NRXN1: variants seen among roughly 807,000 people sequenced by gnomAD.
NRXN1 encodes the protein neurexin 1, also known as neurexin-1.
In NRXN1, 39 loss-of-function variants were observed where a neutral mutation model predicts 150.9. That is an observed-to-expected ratio of 0.26 (90% CI 0.20 to 0.34). The LOEUF (loss-of-function observed/expected upper bound fraction) is 0.34. Ranked by LOEUF, NRXN1 falls within the 10% of genes least tolerant of loss-of-function variation. The pLI is 1.00. For missense variants in NRXN1, 1,815 were observed against 1,949.9 expected, an observed-to-expected ratio of 0.93 and a Z score of 1.30; for synonymous variants, 924 against 757.0, an observed-to-expected ratio of 1.22 and a Z score of -3.62.
chr2:50,915,470 A>G (rs189433033), intron 5 of NRXN1, among the ~76,000 whole-genome samples: 10 of 151,744 alleles, frequency 6.6e-5, no homozygotes, highest in African/African-American at 2.4e-4. Flanking sequence ...AGGCAAGCCT[A>G]TTTCATCCTC....
At chr2:50,583,040 C>G (rs1448081556) in intron 8 of NRXN1, among the ~76,000 whole-genome samples, 3 of 151,720 alleles carry the variant, frequency 2.0e-5, no homozygotes, top group Admixed American at 6.6e-5. Flanking sequence ...ATACTTTCAC[C>G]TCCCACCTAG....
intron 18 of NRXN1, among the ~76,000 whole-genome samples, chr2:50,125,460 A>T (rs887320233): frequency 6.6e-6 from 1 of 152,074 alleles, no homozygotes; most frequent in Admixed American, 6.6e-5. Flanking sequence ...GCCCAACAGG[A>T]TATGAAATCC....
intron 21 of NRXN1, among the ~76,000 whole-genome samples, chr2:50,038,791 C>T (rs1298117872): frequency 1.2e-4 from 15 of 124,920 alleles, no homozygotes; most frequent in Non-Finnish European, 2.0e-4. Context: ...TCCTTCCTTC[C>T]CACCCTCCCT....
At chr2:50,967,488 ATT>A (rs2104753256) in intron 2 of NRXN1, among the ~76,000 whole-genome samples, 1 of 152,130 alleles carries the variant, frequency 6.6e-6, no homozygotes, top group South Asian at 2.1e-4. Flanking sequence ...AAACTTTAGT[ATT>A]AACTAAGTCT....
intron 18 of NRXN1, among the ~76,000 whole-genome samples, chr2:50,166,996 C>A (rs986799239): frequency 2.0e-5 from 3 of 152,116 alleles, no homozygotes; most frequent in Non-Finnish European, 2.9e-5. Context: ...ATGGTTTACT[C>A]ATAGGCTGAT....
intron 17 of NRXN1, among the ~76,000 whole-genome samples, chr2:50,441,509 T>C (rs573578378): frequency 1.7e-4 from 26 of 152,296 alleles, no homozygotes; most frequent in African/African-American, 6.0e-4. Flanking sequence ...TTGGGATAAA[T>C]GGCATTTGTT....
intron 17 of NRXN1, among the ~76,000 whole-genome samples, chr2:50,418,762 C>T (rs1255068611): frequency 6.6e-6 from 1 of 151,870 alleles, no homozygotes; most frequent in Non-Finnish European, 1.5e-5. Flanking sequence ...GTCTCAAACA[C>T]AGGCAAAATA....
At chr2:50,904,000 G>C (rs929262373) in intron 5 of NRXN1, among the ~76,000 whole-genome samples, 1 of 152,110 alleles carries the variant, frequency 6.6e-6, no homozygotes, top group African/African-American at 2.4e-5. Context: ...TGTTAAAACA[G>C]AGAAAAGACT....
chr2:50,260,773 C>A (rs1003785020), intron 17 of NRXN1, among the ~76,000 whole-genome samples: 3 of 151,234 alleles, frequency 2.0e-5, no homozygotes, highest in Admixed American at 6.6e-5. Flanking sequence ...AGAACTAAAC[C>A]ATAGCAGCTT....
chr2:50,033,445 C>T (rs769339305), intron 21 of NRXN1, among the ~76,000 whole-genome samples: 19 of 152,008 alleles, frequency 1.2e-4, no homozygotes, highest in Non-Finnish European at 2.5e-4. Flanking sequence ...TGGAACTGGA[C>T]CCCTTCCTCA....
Position 51,027,870 on chromosome 2 carries a change from G to T in NRXN1, c.404C>A (p.Ala135Asp). The T allele has an allele frequency of 6.2e-7, 1 of 1,612,782 alleles. No homozygotes were observed. The highest frequency in any genetic ancestry group is 8.5e-7 in the Non-Finnish European group (1 of 1,179,716). ...CTTGGACTTGACCTCCACCCACTTG[G>T]CCTCCACCTGGTCGATGAAGAGCGT... ...NTTLFIDQVE[A>D]KWVEVKSKRR... Residue 135 changes from alanine (A) to aspartate (D), a missense_variant, in exon 2 of 23, where the codon GCC becomes GAC. Around this residue, in one of 6 missense-constraint regions of NRXN1, gnomAD observed 554 missense variants for 478.8 expected, o/e 1.16. Coordinates refer to ENST00000401669, the MANE Select transcript of NRXN1 (RefSeq NM_001330078.2).
chr2:50,804,654 T>A (rs1667274246), intron 5 of NRXN1, among the ~76,000 whole-genome samples: 2 of 152,288 alleles, frequency 1.3e-5, no homozygotes, highest in African/African-American at 4.8e-5. Context: ...GACAAGACCA[T>A]TTTCAGGCAA....
intron 5 of NRXN1, among the ~76,000 whole-genome samples, chr2:50,824,125 A>G (rs1670112995): frequency 6.6e-6 from 1 of 152,178 alleles, no homozygotes; most frequent in Non-Finnish European, 1.5e-5. Flanking sequence ...TGTGCCACCA[A>G]ACTACATTTT....
At chr2:50,178,131 G>A (rs1007089163) in intron 18 of NRXN1, among the ~76,000 whole-genome samples, 33 of 152,138 alleles carry the variant, frequency 2.2e-4, no homozygotes, top group African/African-American at 7.2e-4. Flanking sequence ...AAGATTCTGA[G>A]TTTCAGAATC....
intron 17 of NRXN1, among the ~76,000 whole-genome samples, chr2:50,329,768 G>A (rs1336338572): frequency 6.8e-6 from 1 of 147,224 alleles, no homozygotes; most frequent in Non-Finnish European, 1.5e-5. Context: ...CCACCTCCCA[G>A]GTTCGAATGA....
At chr2:50,751,705 T>C (rs1472518138) in intron 5 of NRXN1, among the ~76,000 whole-genome samples, 1 of 151,948 alleles carries the variant, frequency 6.6e-6, no homozygotes, top group Non-Finnish European at 1.5e-5. Context: ...AGCATCTCTG[T>C]TCAGCTTTCA....
chr2:50,700,623 G>T (rs1693600737), intron 5 of NRXN1, among the ~76,000 whole-genome samples: 1 of 152,158 alleles, frequency 6.6e-6, no homozygotes, highest in East Asian at 1.9e-4. Flanking sequence ...TATTAACTAG[G>T]CTCTAATAAA....
At chr2:50,493,786 T>C (rs1393900070) in intron 15 of NRXN1, among the ~76,000 whole-genome samples, 1 of 152,248 alleles carries the variant, frequency 6.6e-6, no homozygotes, top group Non-Finnish European at 1.5e-5. Context: ...GGTATTATTC[T>C]ATACTAATGA....
intron 18 of NRXN1, 120 bp downstream of exon 18, chr2:50,236,669 T>C (rs1202055021): frequency 2.4e-6 from 2 of 849,932 alleles, no homozygotes; most frequent in Non-Finnish European, 3.9e-6. Flanking sequence ...GTATTCATAT[T>C]TCCTATAACA....
Sources: gnomAD v4.1 joint callset for allele counts (sites outside exome capture counted in the v4.1 genomes callset) on GRCh38, gnomAD v4.1.1 for gene constraint, gnomAD v4.1.1 regional missense constraint, MANE v1.5 for transcripts, NCBI Gene and HGNC (gene_info 2026-07-23, HGNC 2026-07-21) for gene names.